Variants in SCD5 observed in about 807,000 individuals in gnomAD.
SCD5 encodes acyl-CoA-desaturase 4.
In SCD5, 20 loss-of-function variants were observed where a neutral mutation model predicts 30.4. The ratio of observed to expected loss-of-function variants is 0.66; its 90% CI spans 0.46 to 0.96. The LOEUF is 0.96. Among genes scored for constraint, SCD5 ranks in the 40% least tolerant of loss-of-function variants. SCD5 has a pLI of 0.00. For missense variants in SCD5, 381 were observed against 443.3 expected, an observed-to-expected ratio of 0.86 and a Z score of 1.26; for synonymous variants, 173 against 176.4, an observed-to-expected ratio of 0.98 and a Z score of 0.16.
chr4:82,700,671 T>C (rs1038480383), intron 2 of SCD5, among the ~76,000 whole-genome samples: 2 of 151,666 alleles, frequency 1.3e-5, no homozygotes, highest in Non-Finnish European at 1.5e-5. Flanking sequence ...CCTATAGTCC[T>C]AGCTACTAGG....
Position 82,680,844 on chromosome 4 carries a change from G to C in SCD5, c.432C>G (p.Pro144=), listed in dbSNP as rs755010769. 6.2e-7 allele frequency: 1 copy of C among 1,613,706 alleles called. No homozygotes were observed. The highest frequency in any genetic ancestry group is 1.3e-5 in the African/African-American group (1 of 74,814). ...AGAAGAAGCCCCGGCGGGCATTGTG[G>C]GGGTCAGCATCCGTCTCTGAGTACT... ...HHKYSETDAD[P]HNARRGFFFS... The change falls in exon 3 of 5, where the codon CCC becomes CCG. Residue 144 remains proline (P), a synonymous_variant. Coordinates refer to ENST00000319540, the MANE Select transcript of SCD5 (RefSeq NM_001037582.3).
At chr4:82,769,214 T>C (rs1721563072) in intron 1 of SCD5, among the ~76,000 whole-genome samples, 1 of 152,276 alleles carries the variant, frequency 6.6e-6, no homozygotes, top group African/African-American at 2.4e-5. Flanking sequence ...GCCACTGCCC[T>C]GAGATTGTGA....
chr4:82,652,073 G>C (rs13102081), intron 3 of SCD5, among the ~76,000 whole-genome samples: 28,004 of 152,144 alleles, frequency 0.18, 2,756 homozygotes, highest in East Asian at 0.37. Context: ...TAACACTGAT[G>C]CTGCTGGTCC....
rs753289241 is a variant in SCD5, at chr4:82,641,770, C to T, written c.570-4947G>A. The stretch of plus-strand genomic sequence containing the variant: ...ATATGGTGGCCTGAACCTGGATAGT[C>T]ATGGAGGTGGTGAGAAATGGTCAGA... On this transcript the variant is annotated intron_variant, in intron 3 of 4. Transcript: ENST00000319540. Among the ~76,000 whole-genome samples, 4 of 152,100 alleles carry T rather than the reference C, an allele frequency of 2.6e-5. No individual in the cohort carries two copies. In the South Asian group the frequency reaches 6.2e-4, roughly 24 times the overall value.
At chr4:82,734,857 C>T (rs191036693) in intron 1 of SCD5, among the ~76,000 whole-genome samples, 29 of 151,322 alleles carry the variant, frequency 1.9e-4, no homozygotes, top group African/African-American at 6.8e-4. Flanking sequence ...CTCTGCCTCC[C>T]GGGCTCAAGC....
At chr4:82,755,588 A>G (rs1442548141) in intron 1 of SCD5, among the ~76,000 whole-genome samples, 1 of 152,214 alleles carries the variant, frequency 6.6e-6, no homozygotes, top group African/African-American at 2.4e-5. Context: ...AACCTGTCCA[A>G]CACTTCAGAG....
rs75283280 is a variant in SCD5 at position 82,666,068 on chromosome 4, C to T, written c.569+14639G>A. Reference sequence around the variant, plus strand: ...TATATTATACAGATTTCAAGAGCTGCGGGGTTATAGAAATTTTATAAGCTA... The same window carrying T: ...TATATTATACAGATTTCAAGAGCTGTGGGGTTATAGAAATTTTATAAGCTA... On this transcript the variant is annotated intron_variant, in intron 3 of 4. Transcript: ENST00000319540. 2.3e-3 allele frequency among the ~76,000 whole-genome samples: 347 copies of T among 151,744 alleles called. 10 individuals are homozygous for T. In the East Asian group the frequency reaches 0.064, roughly 28 times the overall value.
chr4:82,713,671 C>G (rs533659744), intron 1 of SCD5, among the ~76,000 whole-genome samples: 2 of 152,336 alleles, frequency 1.3e-5, no homozygotes, highest in Admixed American at 6.5e-5. Context: ...CAGCTGGCAT[C>G]TGTGCAACTA....
intron 1 of SCD5, among the ~76,000 whole-genome samples, chr4:82,758,154 G>C (rs1578055637): frequency 6.6e-6 from 1 of 152,220 alleles, no homozygotes; most frequent in South Asian, 2.1e-4. Flanking sequence ...TCCTGGGAGA[G>C]GGGGAGGCCC....
At chr4:82,682,224 G>A (rs1728592219) in intron 2 of SCD5, among the ~76,000 whole-genome samples, 1 of 152,188 alleles carries the variant, frequency 6.6e-6, no homozygotes, top group Non-Finnish European at 1.5e-5. Flanking sequence ...CTGAAGTAGG[G>A]CTCAGTGCAT....
At chr4:82,780,703 G>A (rs912677837) in intron 1 of SCD5, among the ~76,000 whole-genome samples, 1 of 152,262 alleles carries the variant, frequency 6.6e-6, no homozygotes, top group African/African-American at 2.4e-5. Flanking sequence ...CCTGGCCAAA[G>A]GGAGACTTGG....
chr4:82,711,072 A>C (rs1226559649), intron 1 of SCD5, among the ~76,000 whole-genome samples: 1 of 152,298 alleles, frequency 6.6e-6, no homozygotes, highest in Admixed American at 6.5e-5. Flanking sequence ...GGTTTGTTGT[A>C]AAGATTAAAA....
chr4:82,705,160 G>A (rs1719941411), intron 2 of SCD5, 123 bp downstream of exon 2: 11 of 1,222,856 alleles, frequency 9.0e-6, no homozygotes, highest in South Asian at 4.5e-5. Flanking sequence ...CAGACTGGGC[G>A]TGCTTGGGGC....
chr4:82,635,101 A>G (rs1181725303), intron 4 of SCD5, among the ~76,000 whole-genome samples: 1 of 152,202 alleles, frequency 6.6e-6, no homozygotes, highest in Admixed American at 6.5e-5. Flanking sequence ...GAACTTTCCT[A>G]TGTTTGATCT....
intron 2 of SCD5, among the ~76,000 whole-genome samples, chr4:82,701,266 G>A (rs1268994958): frequency 2.0e-5 from 3 of 151,504 alleles, no homozygotes; most frequent in Admixed American, 2.0e-4. Flanking sequence ...GTTAAGAGAG[G>A]ACAGAAAATA....
At chr4:82,636,563 C>T (rs772767437) in intron 4 of SCD5, 28 bp downstream of exon 4, 4 of 1,568,164 alleles carry the variant, frequency 2.6e-6, no homozygotes, top group Non-Finnish European at 3.5e-6. Flanking sequence ...CACCATTCTC[C>T]CCATTGGCCC....
At chr4:82,650,065 T>G (rs1489349835) in intron 3 of SCD5, among the ~76,000 whole-genome samples, 1 of 152,292 alleles carries the variant, frequency 6.6e-6, no homozygotes, top group South Asian at 2.1e-4. Flanking sequence ...ACTTCATCCC[T>G]GCTAAAGCTG....
At chr4:82,767,887 G>C (rs1721527261) in intron 1 of SCD5, among the ~76,000 whole-genome samples, 1 of 152,068 alleles carries the variant, frequency 6.6e-6, no homozygotes, top group Non-Finnish European at 1.5e-5. Flanking sequence ...AGGACCCTCT[G>C]GTTCTACTGG....
At chr4:82,706,635 A>G (rs181018944) in intron 1 of SCD5, among the ~76,000 whole-genome samples, 23 of 152,400 alleles carry the variant, frequency 1.5e-4, no homozygotes, top group Middle Eastern at 3.4e-3. Flanking sequence ...TCTGGCTCAA[A>G]GCCTAAGCTG....
Sources: gnomAD v4.1 joint callset for allele counts (sites outside exome capture counted in the v4.1 genomes callset) on GRCh38, gnomAD v4.1.1 for gene constraint, MANE v1.5 for transcripts, NCBI Gene and HGNC (gene_info 2026-07-23, HGNC 2026-07-21) for gene names.